Variants in ME3 observed in about 807,000 individuals in gnomAD.
ME3 encodes NADP-dependent malic enzyme, mitochondrial.
Under a neutral mutation model 68.9 loss-of-function variants are expected in ME3, and 48 were observed. The observed-to-expected ratio is 0.70, with a 90% CI of 0.55 to 0.89. The LOEUF (loss-of-function observed/expected upper bound fraction) is 0.89. Among genes scored for constraint, ME3 ranks in the 40% least tolerant of loss-of-function variants. The pLI is 0.00. For missense variants in ME3, 675 were observed against 797.4 expected (o/e 0.85, Z 1.85); for synonymous variants, 320 against 318.8 (o/e 1.00, Z -0.04).
chr11:86,565,217 C>G (rs1051336892), intron 2 of ME3, among the ~76,000 whole-genome samples: 2 of 152,052 alleles, frequency 1.3e-5, no homozygotes, highest in Middle Eastern at 3.4e-3. Context: ...ACACACACCC[C>G]CCCTAGGAAA....
At chr11:86,447,358 A>C in intron 11 of ME3, 151 bp from the exon 12 acceptor site, 8 of 1,100,384 alleles carry the variant, frequency 7.3e-6, no homozygotes, top group African/African-American at 1.6e-5. Context: ...CAGAAGGGAA[A>C]ATGATCTTCC....
At chr11:86,645,085 G>A (rs1203807678) in intron 2 of ME3, among the ~76,000 whole-genome samples, 2 of 152,178 alleles carry the variant, frequency 1.3e-5, no homozygotes, top group South Asian at 2.1e-4. Flanking sequence ...AGATTCCCTC[G>A]GGTGCCTACA....
At chr11:86,669,368 G>A (rs958013479) in intron 2 of ME3, among the ~76,000 whole-genome samples, 19 of 152,194 alleles carry the variant, frequency 1.2e-4, no homozygotes, top group Non-Finnish European at 2.2e-4. Flanking sequence ...TATTAGTCTG[G>A]TTCTTACACG....
intron 2 of ME3, among the ~76,000 whole-genome samples, chr11:86,666,857 C>T (rs1479732173): frequency 2.0e-5 from 3 of 152,178 alleles, no homozygotes; most frequent in African/African-American, 7.2e-5. Context: ...CTTAACATCT[C>T]CTGATTGATG....
chr11:86,629,466 T>G (rs186972417), intron 2 of ME3, among the ~76,000 whole-genome samples: 2 of 152,238 alleles, frequency 1.3e-5, no homozygotes, highest in Admixed American at 1.3e-4. Flanking sequence ...CCCTCCCCCG[T>G]GGGTAAAGGA....
intron 4 of ME3, among the ~76,000 whole-genome samples, chr11:86,516,393 A>G (rs1953909192): frequency 6.6e-6 from 1 of 151,910 alleles, no homozygotes; most frequent in Non-Finnish European, 1.5e-5. Flanking sequence ...GTATATATAT[A>G]TATATGTTTT....
intron 4 of ME3, among the ~76,000 whole-genome samples, chr11:86,521,428 C>CAAAAAAAA (rs1555221566): frequency 1.5e-5 from 2 of 129,134 alleles, no homozygotes; most frequent in Admixed American, 7.5e-5. Context: ...CAAAACAAAA[C>CAAAAAAAA]AAAAATAATA....
chr11:86,568,653 TC>T (rs1407524156), intron 2 of ME3, among the ~76,000 whole-genome samples: 1 of 152,232 alleles, frequency 6.6e-6, no homozygotes, highest in Non-Finnish European at 1.5e-5. Flanking sequence ...AGATGGTGCT[TC>T]TGTCCCAGCC....
rs1164573179 is a variant in ME3 at position 86,461,870 on chromosome 11, G to T, written c.919+3221C>A. Among the ~76,000 whole-genome samples, 3 of 152,214 alleles carry T rather than the reference G, an allele frequency of 2.0e-5. No homozygotes were observed. The East Asian group carries it at 5.8e-4, about 29-fold the overall frequency. ...CCTGCCATTCCAGCACTATTTGCCA[G>T]CTGTCCTCATGAGTTCTAGATTGAT... On this transcript the variant is annotated intron_variant, in intron 8 of 14. Transcript: ENST00000543262.
At chr11:86,587,813 G>A (rs1384420467) in intron 2 of ME3, among the ~76,000 whole-genome samples, 1 of 152,178 alleles carries the variant, frequency 6.6e-6, no homozygotes, top group Non-Finnish European at 1.5e-5. Flanking sequence ...GTTACTTTTA[G>A]AACAATGGAA....
At chr11:86,618,690 A>G (rs149099205) in intron 2 of ME3, among the ~76,000 whole-genome samples, 2 of 150,984 alleles carry the variant, frequency 1.3e-5, no homozygotes, top group Non-Finnish European at 2.9e-5. Context: ...TGTCCTCATG[A>G]TAGTAAATGA....
chr11:86,464,050 T>C (rs1201787490), intron 8 of ME3: 3 of 434,676 alleles, frequency 6.9e-6, no homozygotes, highest in Non-Finnish European at 1.4e-5. Context: ...TTACCTGAGT[T>C]TGAGTTCTTT....
At chr11:86,645,168 A>AT (rs1408680875) in intron 2 of ME3, among the ~76,000 whole-genome samples, 3 of 152,116 alleles carry the variant, frequency 2.0e-5, no homozygotes, top group Admixed American at 6.5e-5. Flanking sequence ...CTGCAGGAGT[A>AT]TTTTTTTTGT....
intron 4 of ME3, among the ~76,000 whole-genome samples, chr11:86,542,196 G>GA (rs1319617860): frequency 6.6e-6 from 1 of 152,166 alleles, no homozygotes; most frequent in Non-Finnish European, 1.5e-5. Context: ...CAAAGATGAG[G>GA]AAAAAGCAGC....
At chr11:86,664,839 A>G (rs1363550271) in intron 2 of ME3, among the ~76,000 whole-genome samples, 1 of 151,934 alleles carries the variant, frequency 6.6e-6, no homozygotes, top group Non-Finnish European at 1.5e-5. Context: ...TCTGAATAGG[A>G]CCTCCTTCTT....
In ME3 at chr11:86,605,100, T is replaced by C. The variant is rs78379247; in HGVS notation, c.184-45277A>G. Among the ~76,000 whole-genome samples the C allele has an allele frequency of 4.3e-3, 661 of 152,302 alleles. 24 individuals are homozygous for C. In the East Asian group the frequency reaches 0.084, roughly 19 times the overall value. On this transcript the variant is annotated intron_variant, in intron 2 of 14. Coordinates refer to ENST00000543262, the Ensembl canonical transcript of ME3. ...ATTTCATACAAACGGAATCATAACG[T>C]ATGTGAATTTTTATGTACAGCTTCT...
intron 4 of ME3, among the ~76,000 whole-genome samples, chr11:86,553,560 C>G (rs1056702312): frequency 6.6e-6 from 1 of 152,182 alleles, no homozygotes; most frequent in Admixed American, 6.5e-5. Flanking sequence ...AAATGGAAAC[C>G]TAGAGCAACA....
At chr11:86,654,620 A>C (rs1160371574) in intron 2 of ME3, among the ~76,000 whole-genome samples, 2 of 152,222 alleles carry the variant, frequency 1.3e-5, no homozygotes, top group Non-Finnish European at 2.9e-5. Flanking sequence ...GCTGTCTATG[A>C]CAAACCCACA....
intron 4 of ME3, among the ~76,000 whole-genome samples, chr11:86,517,154 G>A (rs1242248867): frequency 2.6e-5 from 4 of 152,122 alleles, no homozygotes; most frequent in Non-Finnish European, 4.4e-5. Context: ...GCACAAGGCA[G>A]GCTGCCCTTC....
Sources: gnomAD v4.1 joint callset for allele counts (sites outside exome capture counted in the v4.1 genomes callset) on GRCh38, gnomAD v4.1.1 for gene constraint, MANE v1.5 for transcripts, NCBI Gene and HGNC (gene_info 2026-07-23, HGNC 2026-07-21) for gene names.